The following KPNB1 variants were observed in gnomAD, a reference collection of about 807,000 sequenced individuals.
The protein encoded by KPNB1 is karyopherin subunit beta 1, also known as importin subunit beta-1.
A neutral mutation model predicts 113.0 loss-of-function variants in KPNB1; 7 were observed. The ratio of observed to expected loss-of-function variants is 0.06; its 90% CI spans 0.04 to 0.12. The LOEUF is 0.12. KPNB1 is among the 10% of genes least tolerant of loss of function. The pLI is 1.00. For synonymous variants in KPNB1, 363 were observed against 378.6 expected, an observed-to-expected ratio of 0.96 and a Z score of 0.48; for missense variants, 400 against 1,054.8, an observed-to-expected ratio of 0.38 and a Z score of 8.60.
chr17:47,667,539 T>A (rs2143138431), intron 9 of KPNB1, among the ~76,000 whole-genome samples: 1 of 152,036 alleles, frequency 6.6e-6, no homozygotes, highest in East Asian at 1.9e-4. Context: ...TTGGACTTTA[T>A]TTATTATTAT....
chr17:47,668,352 C>T lies in KPNB1; in HGVS notation c.1166C>T (p.Ala389Val), dbSNP rs1313993559. 6.2e-7 allele frequency: 1 copy of T among 1,614,140 alleles called. No homozygotes were observed. The change falls in exon 10 of 22, where the codon GCT becomes GTT. Residue 389 changes from alanine (A) to valine (V), a missense_variant. Around this residue, in one of 2 missense-constraint regions of KPNB1, gnomAD observed 285 missense variants for 627.0 expected, o/e 0.45. Transcript: ENST00000290158. ...CGGTACCGGGATGCAGCAGTGATGG[C>T]TTTTGGTTGTATCTTGGAAGGACCA... ...DWRYRDAAVM[A>V]FGCILEGPEP...
chr17:47,677,963 T>A, intron 17 of KPNB1, 83 bp from the exon 18 acceptor site: 1 of 1,356,154 alleles, frequency 7.4e-7, no homozygotes, highest in Non-Finnish European at 1.0e-6. Context: ...AATCAATAGT[T>A]GCTTGTTAGA....
At chr17:47,665,913 G>A (rs2143130652) in intron 9 of KPNB1, among the ~76,000 whole-genome samples, 1 of 152,308 alleles carries the variant, frequency 6.6e-6, no homozygotes, top group South Asian at 2.1e-4. Context: ...TTTGTACACA[G>A]GAATGTAATT....
At chr17:47,670,943 TCTAC>T (rs1056307360) in intron 12 of KPNB1, 111 bp downstream of exon 12, 1 of 963,880 alleles carries the variant, frequency 1.0e-6, no homozygotes, top group Non-Finnish European at 1.5e-6. Context: ...AGGACAAGAC[TCTAC>T]CTTCTCTAGA....
At position 47,658,615 on chromosome 17, in the gene KPNB1, A is replaced by T; in HGVS notation, c.591A>T (p.Ala197=). ...ATGTGAAGCTAGCTGCTACGAATGC[A>T]CTCCTGAACTCATTGGAGTTCACCA... ...SNNVKLAATN[A]LLNSLEFTKA... The change falls in exon 5 of 22, where the codon GCA becomes GCT. Residue 197 remains alanine, a synonymous_variant. Transcript: ENST00000290158. 6.2e-7 allele frequency: 1 copy of T among 1,613,938 alleles called. No homozygotes were observed. Among genetic ancestry groups the T allele is most frequent in the South Asian group, 1.1e-5 (1 of 91,078 alleles).
intron 21 of KPNB1, among the ~76,000 whole-genome samples, chr17:47,680,950 TC>T (rs1201263355): frequency 2.0e-5 from 3 of 152,180 alleles, no homozygotes; most frequent in African/African-American, 7.2e-5. Context: ...TCCCCCTAAT[TC>T]TCTTCTGTTT....
chr17:47,677,161 T>G lies in KPNB1; in HGVS notation c.2103+34T>G, dbSNP rs1313488530. ...CTACACACAATCTAATTAACCAGTC[T>G]TCTTTGAAGAAAACAACAGTTGGAA... On this transcript the variant is annotated intron_variant, in intron 17 of 21. Coordinates refer to ENST00000290158, the MANE Select transcript of KPNB1 (RefSeq NM_002265.6). The G allele has an allele frequency of 9.7e-6, 14 of 1,449,272 alleles. 1 individual carries two copies. In the Admixed American group the frequency reaches 1.5e-4, roughly 16 times the overall value. 89.8% of individuals were successfully genotyped at this position (1,449,272 alleles called of 1,614,324 possible).
intron 9 of KPNB1, among the ~76,000 whole-genome samples, chr17:47,667,789 C>A (rs2030335283): frequency 6.6e-6 from 1 of 151,928 alleles, no homozygotes; most frequent in South Asian, 2.1e-4. Flanking sequence ...AACTCCTGAC[C>A]TCAGGTGATC....
chr17:47,659,308 C>G (rs1597925623), intron 5 of KPNB1, among the ~76,000 whole-genome samples: 1 of 151,844 alleles, frequency 6.6e-6, no homozygotes, highest in Non-Finnish European at 1.5e-5. Context: ...GAGATTGCAG[C>G]ACTGTATTCC....
chr17:47,675,868 C>G (rs1394536463), intron 15 of KPNB1, among the ~76,000 whole-genome samples: 1 of 152,146 alleles, frequency 6.6e-6, no homozygotes, highest in African/African-American at 2.4e-5. Context: ...CATAAACAGC[C>G]TATGTCCAAC....
chr17:47,653,569 G>A (rs886447311), intron 3 of KPNB1, among the ~76,000 whole-genome samples: 2 of 152,234 alleles, frequency 1.3e-5, no homozygotes, highest in South Asian at 2.1e-4. Context: ...AAGTTCTTTA[G>A]TGATCTGTCT....
chr17:47,676,405 A>G lies in KPNB1; in HGVS notation c.1913-4A>G, dbSNP rs888302259. The G allele has an allele frequency of 6.2e-7, 1 of 1,608,202 alleles. No homozygotes were observed. ...TCATTGGCTAATAGCTTATTTCATT[A>G]CAGTGTTGGGTGGTGAATTCCTCAA... is the stretch of plus-strand genomic sequence containing the variant. On this transcript the variant is annotated splice_polypyrimidine_tract_variant and splice_region_variant and intron_variant, in intron 15 of 21. Transcript: ENST00000290158.
intron 3 of KPNB1, 118 bp from the exon 4 acceptor site, chr17:47,656,740 CCT>C (rs1215364580): frequency 2.3e-5 from 22 of 955,112 alleles, no homozygotes; most frequent in Non-Finnish European, 3.5e-5. Flanking sequence ...ATAGTGAGAC[CCT>C]GTCTTAAGAA....
chr17:47,663,895 GGTTT>G (rs1250309595), intron 7 of KPNB1, among the ~76,000 whole-genome samples: 4 of 151,862 alleles, frequency 2.6e-5, no homozygotes, highest in East Asian at 1.9e-4. Flanking sequence ...TGGGGTGGGA[GGTTT>G]GTTTGAGCCT....
chr17:47,656,809 T>C, intron 3 of KPNB1, 51 bp from the exon 4 acceptor site: 2 of 1,569,432 alleles, frequency 1.3e-6, no homozygotes, highest in South Asian at 1.1e-5. Context: ...GGGCAAAATG[T>C]GGTCAAATAG....
At chr17:47,681,393 G>T (rs2030773611) in intron 21 of KPNB1, among the ~76,000 whole-genome samples, 1 of 151,076 alleles carries the variant, frequency 6.6e-6, no homozygotes, top group South Asian at 2.1e-4. Context: ...TCAGCCTCCT[G>T]AGTAGCTAGG....
At chr17:47,677,845 C>T (rs2030659214) in intron 17 of KPNB1, among the ~76,000 whole-genome samples, 1 of 152,240 alleles carries the variant, frequency 6.6e-6, no homozygotes. Flanking sequence ...AGTCAGTCTC[C>T]TCATGTGTAA....
Position 47,672,180 on chromosome 17 carries a change from A to G in KPNB1, c.1548-838A>G, listed in dbSNP as rs543691564. 2.4e-4 allele frequency among the ~76,000 whole-genome samples: 36 copies of G among 151,968 alleles called. No individual in the cohort carries two copies. In the South Asian group the frequency reaches 7.3e-3, roughly 31 times the overall value. ...ACCAACATGCCTGGCTAATTTTTGT[A>G]TTTTTAGTAGAGATGGGGTTTCGCC... On this transcript the variant is annotated intron_variant, in intron 12 of 21. Transcript: ENST00000290158.
intron 11 of KPNB1, 98 bp from the exon 12 acceptor site, chr17:47,670,604 A>C: frequency 2.3e-6 from 3 of 1,313,794 alleles, no homozygotes; most frequent in Non-Finnish European, 3.1e-6. Context: ...AAAAGTTGGA[A>C]GTTCACTGAC....
Sources: allele counts gnomAD v4.1 joint callset (sites outside exome capture counted in the v4.1 genomes callset), GRCh38; gene constraint gnomAD v4.1.1; regional missense constraint gnomAD v4.1.1; transcripts MANE v1.5; gene names NCBI Gene and HGNC (gene_info 2026-07-23, HGNC 2026-07-21).